The following ERC2 variants were observed in gnomAD, a reference collection of about 807,000 sequenced individuals.
ERC2 encodes ELKS/RAB6-interacting/CAST family member 2, also known as ERC protein 2.
ERC2 carries 42 observed loss-of-function variants against 114.8 expected under a neutral mutation model. That is an observed-to-expected ratio of 0.37 (90% confidence interval 0.29 to 0.47). The LOEUF is 0.47. Ranked by LOEUF, ERC2 falls within the 20% of genes least tolerant of loss-of-function variation. The probability of loss-of-function intolerance (pLI) is 0.99; values close to 1 mark genes in which losing one functional copy is unlikely to be tolerated. For missense variants in ERC2, 939 were observed against 1,150.7 expected (o/e 0.82, Z 2.66); for synonymous variants, 454 against 425.5 (o/e 1.07, Z -0.82).
intron 3 of ERC2, among the ~76,000 whole-genome samples, chr3:56,282,921 A>G (rs1560517054): frequency 6.6e-6 from 1 of 152,376 alleles, no homozygotes; most frequent in South Asian, 2.1e-4. Flanking sequence ...AAGAGCCACC[A>G]TGCAAAGATA....
At chr3:56,000,387 A>C (rs1178786540) in intron 10 of ERC2, among the ~76,000 whole-genome samples, 1 of 152,116 alleles carries the variant, frequency 6.6e-6, no homozygotes, top group Non-Finnish European at 1.5e-5. Flanking sequence ...ATTTAGGCTA[A>C]ATAAAACTGC....
chr3:55,523,340 A>G (rs980281730), intron 17 of ERC2, among the ~76,000 whole-genome samples: 12 of 152,222 alleles, frequency 7.9e-5, no homozygotes, highest in Non-Finnish European at 1.5e-5. Flanking sequence ...CGGGGTGCCA[A>G]TCCATGAACA....
intron 6 of ERC2, among the ~76,000 whole-genome samples, chr3:56,099,924 A>G (rs921837620): frequency 2.6e-5 from 4 of 152,126 alleles, no homozygotes; most frequent in African/African-American, 9.7e-5. Flanking sequence ...ACTCTTTGCT[A>G]CATGGAATCC....
In ERC2 at chr3:55,950,508, A is replaced by G. The variant is rs1431850109; in HGVS notation, c.2320T>C (p.Leu774=). 1 of 1,613,948 alleles carries G rather than the reference A, an allele frequency of 6.2e-7. No homozygotes were observed. The highest frequency in any genetic ancestry group is 2.2e-5 in the East Asian group (1 of 44,884). The part of the protein sequence containing the change: ...KVANLKHNQQ[L]EKKKNAQLLE... Reference sequence around the variant, plus strand: ...AACTGAGCATTTTTCTTCTTTTCCAACTGTTGATTGTGCTTGAGGTTGGCC... The same window carrying G: ...AACTGAGCATTTTTCTTCTTTTCCAGCTGTTGATTGTGCTTGAGGTTGGCC... Residue 774 remains leucine, a synonymous_variant, in exon 13 of 18, where the codon TTG becomes CTG. Coordinates refer to ENST00000288221, the MANE Select transcript of ERC2 (RefSeq NM_015576.3).
At chr3:56,462,157 A>C (rs1405408464) in intron 1 of ERC2, among the ~76,000 whole-genome samples, 1 of 152,226 alleles carries the variant, frequency 6.6e-6, no homozygotes, top group African/African-American at 2.4e-5. Context: ...CAATGAGTAG[A>C]AGACCCCACC....
intron 2 of ERC2, among the ~76,000 whole-genome samples, chr3:56,375,830 C>T (rs7638851): frequency 0.02 from 3,027 of 152,224 alleles, 103 homozygotes; most frequent in African/African-American, 0.067. Context: ...TGATTTCTGC[C>T]AGCTTACATC....
intron 4 of ERC2, among the ~76,000 whole-genome samples, chr3:56,159,122 G>T (rs6780051): frequency 0.085 from 12,944 of 152,020 alleles, 751 homozygotes; most frequent in East Asian, 0.15. Context: ...TTTTACTCTG[G>T]CCATCTGACT....
intron 17 of ERC2, among the ~76,000 whole-genome samples, chr3:55,609,851 C>CGACA (rs2058811878): frequency 6.6e-6 from 1 of 151,988 alleles, no homozygotes; most frequent in Admixed American, 6.6e-5. Context: ...TCAAAGTTGT[C>CGACA]TCTCCTTGGA....
intron 6 of ERC2, among the ~76,000 whole-genome samples, chr3:56,112,428 GACAGAC>G (rs1435095539): frequency 9.6e-5 from 7 of 72,728 alleles, no homozygotes; most frequent in East Asian, 7.7e-4. Flanking sequence ...AGAAAAGACA[GACAGAC>G]ACACACACAC....
chr3:56,009,964 C>G (rs1228446977), intron 9 of ERC2, among the ~76,000 whole-genome samples: 1 of 152,164 alleles, frequency 6.6e-6, no homozygotes, highest in Non-Finnish European at 1.5e-5. Flanking sequence ...CACTTAAGCT[C>G]TACCTTGGGG....
intron 7 of ERC2, among the ~76,000 whole-genome samples, chr3:56,059,079 C>A (rs1205090810): frequency 1.4e-5 from 2 of 139,068 alleles, no homozygotes; most frequent in African/African-American, 5.2e-5. Flanking sequence ...ATAAAGATAT[C>A]TTTTTTTTAT....
At chr3:56,247,246 T>C (rs190997546) in intron 3 of ERC2, among the ~76,000 whole-genome samples, 1 of 152,344 alleles carries the variant, frequency 6.6e-6, no homozygotes, top group Admixed American at 6.5e-5. Context: ...TCCCAACTCT[T>C]ATGCAATTAA....
intron 4 of ERC2, among the ~76,000 whole-genome samples, chr3:56,157,124 C>G (rs191793754): frequency 1.1e-3 from 167 of 152,270 alleles, no homozygotes; most frequent in Middle Eastern, 3.4e-3. Context: ...AAACTGGAAT[C>G]GTTCCCTCAA....
chr3:56,151,013 C>A (rs2081383668), intron 4 of ERC2, among the ~76,000 whole-genome samples: 1 of 152,094 alleles, frequency 6.6e-6, no homozygotes, highest in Non-Finnish European at 1.5e-5. Flanking sequence ...TATCTATAAG[C>A]CAGGAAGAGA....
In ERC2 at chr3:56,434,656, T is replaced by C. The variant is rs2061938615; in HGVS notation, c.352A>G (p.Thr118Ala). The C allele has an allele frequency of 6.2e-7, 1 of 1,613,822 alleles. No individual in the cohort carries two copies. The highest frequency in any genetic ancestry group is 1.1e-5 in the South Asian group (1 of 91,084). ...GLSHTDVLSYTDQHGGLTGSS... is the reference protein window; with the variant it reads ...GLSHTDVLSYADQHGGLTGSS... ...CCAGTCAGCCCACCATGTTGATCTG[T>C]GTATGAAAGGACATCTGTGTGGGAA... Residue 118 changes from threonine (T) to alanine (A), a missense_variant, in exon 2 of 18, where the codon ACA (threonine) becomes GCA (alanine). Around this residue, in one of 5 missense-constraint regions of ERC2, gnomAD observed 281 missense variants for 307.4 expected, o/e 0.91. Coordinates refer to ENST00000288221, the MANE Select transcript of ERC2 (RefSeq NM_015576.3).
intron 6 of ERC2, among the ~76,000 whole-genome samples, chr3:56,121,731 G>A (rs905340290): frequency 6.6e-6 from 1 of 152,058 alleles, no homozygotes; most frequent in Non-Finnish European, 1.5e-5. Context: ...CCTTTAGAAG[G>A]TTATTTTAGC....
At chr3:55,704,709 C>T (rs1002156553) in intron 15 of ERC2, among the ~76,000 whole-genome samples, 1 of 152,162 alleles carries the variant, frequency 6.6e-6, no homozygotes, top group Admixed American at 6.5e-5. Context: ...AGTTGGAGGA[C>T]AAAATGAAGT....
At position 56,327,497 on chromosome 3, in the gene ERC2, G is replaced by T. The variant is rs60839576; in HGVS notation, c.658-31062C>A. On this transcript the variant is annotated intron_variant, in intron 2 of 17. Transcript: ENST00000288221. The stretch of plus-strand genomic sequence containing the variant: ...AAAGCCTAACCATATCACACTGAAA[G>T]ATAATGAACCCATATTTAAATATCA... Among the ~76,000 whole-genome samples, 699 of 152,218 alleles carry T rather than the reference G, an allele frequency of 4.6e-3. 7 individuals are homozygous for T. Among genetic ancestry groups the T allele is most frequent in the African/African-American group, 0.016 (663 of 41,536 alleles).
intron 3 of ERC2, among the ~76,000 whole-genome samples, chr3:56,286,877 C>T (rs950398715): frequency 1.3e-5 from 2 of 152,136 alleles, no homozygotes; most frequent in African/African-American, 4.8e-5. Context: ...TGAAGTCTCA[C>T]TCACCTTTCT....
Sources: allele counts gnomAD v4.1 joint callset (sites outside exome capture counted in the v4.1 genomes callset), GRCh38; gene constraint gnomAD v4.1.1; regional missense constraint gnomAD v4.1.1; transcripts MANE v1.5; gene names NCBI Gene and HGNC (gene_info 2026-07-23, HGNC 2026-07-21).